Variants in ZHX3 observed in about 807,000 individuals in gnomAD.
ZHX3 encodes the protein zinc fingers and homeoboxes 3, also known as zinc fingers and homeoboxes protein 3.
ZHX3 carries 20 observed loss-of-function variants against 64.5 expected under a neutral mutation model. That is an observed-to-expected ratio of 0.31 (90% CI 0.22 to 0.45). The LOEUF (loss-of-function observed/expected upper bound fraction) is 0.45. Ranked by LOEUF, ZHX3 falls within the 20% of genes least tolerant of loss-of-function variation. ZHX3 has a pLI of 1.00. For synonymous variants in ZHX3, 423 were observed against 461.6 expected (o/e 0.92, Z 1.07); for missense variants, 1,041 against 1,195.8 (o/e 0.87, Z 1.91).
chr20:41,303,155 A>G (rs571823629), intron 1 of ZHX3, among the ~76,000 whole-genome samples: 39 of 152,378 alleles, frequency 2.6e-4, no homozygotes, highest in African/African-American at 7.2e-4. Context: ...AAGATCCCAT[A>G]GCTGATAAGT....
chr20:41,230,567 C>A (rs946960764), intron 2 of ZHX3, among the ~76,000 whole-genome samples: 22 of 152,052 alleles, frequency 1.4e-4, no homozygotes, highest in Admixed American at 7.2e-4. Flanking sequence ...AAATACAGAC[C>A]AGATTTCAAA....
intron 2 of ZHX3, among the ~76,000 whole-genome samples, chr20:41,253,457 T>C (rs994031677): frequency 1.2e-4 from 18 of 152,208 alleles, no homozygotes; most frequent in African/African-American, 4.3e-4. Flanking sequence ...TACTTCTCAT[T>C]TATGTTTTCT....
Position 41,269,026 on chromosome 20 carries a change from G to A in ZHX3, c.-187C>T, listed in dbSNP as rs942617247. On this transcript the variant is annotated 5_prime_UTR_variant, in exon 2 of 4. Transcript: ENST00000683867. ...TTTCCAGTTTCCCTCTTCACTTTAT[G>A]CAGTCCCACAAGCATCTCTAAAAGG... 2.0e-5 allele frequency: 3 copies of A among 152,090 alleles called. No homozygotes were observed. The highest frequency in any genetic ancestry group is 7.2e-5 in the African/African-American group (3 of 41,418). 9.4% of individuals were successfully genotyped at this position (152,090 alleles called of 1,614,324 possible). A position where few individuals can be genotyped will look rare whatever the true frequency, so the allele number is the denominator to read the frequency against.
At chr20:41,235,757 G>A in intron 2 of ZHX3, among the ~76,000 whole-genome samples, 1 of 152,168 alleles carries the variant, frequency 6.6e-6, no homozygotes, top group Non-Finnish European at 1.5e-5. Context: ...CATAGTGTTG[G>A]AAGTTCTGGC....
intron 2 of ZHX3, among the ~76,000 whole-genome samples, chr20:41,267,021 A>G (rs957933836): frequency 6.7e-6 from 1 of 150,010 alleles, no homozygotes; most frequent in Non-Finnish European, 1.5e-5. Flanking sequence ...TTTTTTTTGG[A>G]TTTTTAGTAC....
At chr20:41,264,135 G>A (rs866305983) in intron 2 of ZHX3, among the ~76,000 whole-genome samples, 9 of 151,886 alleles carry the variant, frequency 5.9e-5, no homozygotes, top group East Asian at 1.9e-4. Flanking sequence ...TAGGCCAGGC[G>A]CGGTGGCTCA....
Position 41,179,298 on chromosome 20 carries a change from C to T in ZHX3, c.*5893G>A, listed in dbSNP as rs996481017. On this transcript the variant is annotated 3_prime_UTR_variant, in exon 4 of 4. Transcript: ENST00000683867. The surrounding 1 kb of genome is among the most constrained non-coding windows in gnomAD (Gnocchi z 4.3). ...GGGGTGACTGCTTCTCCCCTGGCCC[C>T]GACCCAGTCTAACCGAGAACAACCG... The T allele has an allele frequency of 2.0e-5, 3 of 152,296 alleles. No individual in the cohort carries two copies. Among genetic ancestry groups the T allele is most frequent in the East Asian group, 3.9e-4 (2 of 5,166 alleles). 9.4% of individuals were successfully genotyped at this position (152,296 alleles called of 1,614,324 possible).
chr20:41,248,709 T>C (rs1600500015), intron 2 of ZHX3, among the ~76,000 whole-genome samples: 1 of 152,354 alleles, frequency 6.6e-6, no homozygotes, highest in East Asian at 1.9e-4. Flanking sequence ...CTCCCTCCTC[T>C]GTGGAATGAA....
intron 1 of ZHX3, among the ~76,000 whole-genome samples, chr20:41,309,090 C>T (rs1245673835): frequency 6.6e-6 from 1 of 151,934 alleles, no homozygotes; most frequent in Non-Finnish European, 1.5e-5. Flanking sequence ...TAAATGTCTC[C>T]AAACAGCTAT....
intron 3 of ZHX3, among the ~76,000 whole-genome samples, chr20:41,196,401 AT>A (rs1237104892): frequency 1.2e-4 from 4 of 33,810 alleles, no homozygotes; most frequent in African/African-American, 3.5e-4. Flanking sequence ...ATTTATATAT[AT>A]TATATATTAT....
intron 2 of ZHX3, among the ~76,000 whole-genome samples, chr20:41,210,741 A>G (rs2039097005): frequency 6.6e-6 from 1 of 152,200 alleles, no homozygotes; most frequent in Non-Finnish European, 1.5e-5. Flanking sequence ...CCTAATGTAA[A>G]TGACAAGTTA....
chr20:41,274,703 G>A (rs753985902), intron 1 of ZHX3, among the ~76,000 whole-genome samples: 3 of 152,178 alleles, frequency 2.0e-5, no homozygotes, highest in Non-Finnish European at 4.4e-5. Flanking sequence ...TGGTTCATTT[G>A]AAACCAGTAG....
intron 2 of ZHX3, among the ~76,000 whole-genome samples, chr20:41,246,573 C>T (rs1466982178): frequency 6.6e-6 from 1 of 152,036 alleles, no homozygotes; most frequent in Non-Finnish European, 1.5e-5. Context: ...ATTGTATTAG[C>T]ATTAATACTA....
rs1440819960 is a variant in ZHX3, at chr20:41,183,417, G to A, written c.*1774C>T. 6.6e-6 allele frequency: 1 copy of A among 152,222 alleles called. No individual in the cohort carries two copies. Among genetic ancestry groups the A allele is most frequent in the Admixed American group, 6.5e-5 (1 of 15,284 alleles). 9.4% of individuals were successfully genotyped at this position (152,222 alleles called of 1,614,324 possible). Reference sequence around the variant, plus strand: ...ATAAGATGTGGTCCCTATTGGGACAGGGAGGGCAGAAGATGACACTTTAGA... The same window carrying A: ...ATAAGATGTGGTCCCTATTGGGACAAGGAGGGCAGAAGATGACACTTTAGA... On this transcript the variant is annotated 3_prime_UTR_variant, in exon 4 of 4. Transcript: ENST00000683867. This position sits in a 1 kb window ranked among gnomAD's most constrained non-coding sequence, Gnocchi z 5.3.
intron 2 of ZHX3, 68 bp from the exon 3 acceptor site, chr20:41,205,134 G>C: frequency 1.4e-6 from 1 of 702,430 alleles, no homozygotes; most frequent in Non-Finnish European, 2.0e-6. Flanking sequence ...CGGATACCCA[G>C]ACACATTCCA....
intron 1 of ZHX3, among the ~76,000 whole-genome samples, chr20:41,313,808 G>A (rs563690244): frequency 1.7e-4 from 26 of 152,230 alleles, no homozygotes; most frequent in Admixed American, 9.8e-4. Flanking sequence ...GTGTTAGCCA[G>A]GATGGTCTCG....
chr20:41,190,436 G>C (rs552523080), intron 3 of ZHX3, among the ~76,000 whole-genome samples: 1 of 152,164 alleles, frequency 6.6e-6, no homozygotes, highest in Non-Finnish European at 1.5e-5. Flanking sequence ...CTCCCAAAGT[G>C]CTGGAATTAC....
chr20:41,206,737 C>G (rs1216557215), intron 2 of ZHX3, among the ~76,000 whole-genome samples: 3 of 152,148 alleles, frequency 2.0e-5, no homozygotes, highest in Admixed American at 2.0e-4. Flanking sequence ...AGGATATTAT[C>G]CAGGAGAACT....
chr20:41,280,307 T>C (rs2043611592), intron 1 of ZHX3, among the ~76,000 whole-genome samples: 3 of 152,160 alleles, frequency 2.0e-5, no homozygotes, highest in Admixed American at 2.0e-4. Context: ...GAAATACCAA[T>C]TGCCTGGGCC....
Sources: allele counts gnomAD v4.1 joint callset (sites outside exome capture counted in the v4.1 genomes callset), GRCh38; gene constraint gnomAD v4.1.1; non-coding constraint Gnocchi (gnomAD v3.1); transcripts MANE v1.5; gene names NCBI Gene and HGNC (gene_info 2026-07-23, HGNC 2026-07-21).